RAB4A: variants seen among roughly 807,000 people sequenced by gnomAD.
RAB4A encodes ras-related protein Rab-4A.
In RAB4A, 20 loss-of-function variants were observed where a neutral mutation model predicts 34.5. That is an observed-to-expected ratio of 0.58 (90% CI 0.41 to 0.84). The LOEUF is 0.84. Among genes scored for constraint, RAB4A ranks in the 40% least tolerant of loss-of-function variants. The pLI is 0.00. For synonymous variants in RAB4A, 102 were observed against 100.0 expected, an observed-to-expected ratio of 1.02 and a Z score of -0.12; for missense variants, 228 against 274.5, an observed-to-expected ratio of 0.83 and a Z score of 1.20.
At chr1:229,299,118 C>A in intron 6 of RAB4A, 46 bp downstream of exon 6, 1 of 1,325,930 alleles carries the variant, frequency 7.5e-7, no homozygotes, top group Non-Finnish European at 1.1e-6. Flanking sequence ...ATATTTTACA[C>A]TGTAGCTCAG....
At chr1:229,273,274 A>G (rs916000468) in intron 1 of RAB4A, among the ~76,000 whole-genome samples, 2 of 152,240 alleles carry the variant, frequency 1.3e-5, no homozygotes, top group Non-Finnish European at 2.9e-5. Flanking sequence ...CACTTCAGAC[A>G]CAGTTAACTG....
chr1:229,301,860 A>G (rs1466605894), intron 6 of RAB4A, among the ~76,000 whole-genome samples: 1 of 152,112 alleles, frequency 6.6e-6, no homozygotes, highest in African/African-American at 2.4e-5. Flanking sequence ...CCGTATATAC[A>G]TATAATACAT....
At chr1:229,282,518 T>C (rs1260486806) in intron 1 of RAB4A, among the ~76,000 whole-genome samples, 1 of 152,198 alleles carries the variant, frequency 6.6e-6, no homozygotes, top group Non-Finnish European at 1.5e-5. Context: ...TTAGAGTGCT[T>C]TTTTCAACCA....
intron 1 of RAB4A, among the ~76,000 whole-genome samples, chr1:229,280,421 T>C (rs1163513706): frequency 1.3e-5 from 2 of 152,336 alleles, no homozygotes; most frequent in East Asian, 3.9e-4. Context: ...AGAAAAAGAA[T>C]TGATGGACAG....
At chr1:229,298,120 C>T (rs1657293462) in intron 5 of RAB4A, among the ~76,000 whole-genome samples, 1 of 152,024 alleles carries the variant, frequency 6.6e-6, no homozygotes, top group Non-Finnish European at 1.5e-5. Context: ...CATGAAAATG[C>T]CACATAAAAT....
intron 3 of RAB4A, 39 bp downstream of exon 3, chr1:229,288,882 T>C (rs372982162): frequency 7.4e-6 from 9 of 1,211,492 alleles, no homozygotes; most frequent in Non-Finnish European, 1.1e-5. Context: ...TTTGAAAATT[T>C]GATTTAAAAT....
intron 3 of RAB4A, chr1:229,289,070 A>G (rs1160171586): frequency 2.2e-6 from 1 of 456,974 alleles, no homozygotes; most frequent in Non-Finnish European, 3.9e-6. Context: ...GCGCAACTGC[A>G]TTATAATTCG....
At chr1:229,280,957 G>A (rs1487956160) in intron 1 of RAB4A, among the ~76,000 whole-genome samples, 1 of 152,178 alleles carries the variant, frequency 6.6e-6, no homozygotes, top group Non-Finnish European at 1.5e-5. Context: ...TGTATTGACA[G>A]TTTAATCCTT....
intron 6 of RAB4A, among the ~76,000 whole-genome samples, chr1:229,299,912 C>T (rs1040532528): frequency 6.6e-6 from 1 of 152,056 alleles, no homozygotes; most frequent in African/African-American, 2.4e-5. Context: ...GGAGGGCTTT[C>T]AGGGGAGGTC....
At chr1:229,284,567 AC>A in intron 1 of RAB4A, among the ~76,000 whole-genome samples, 1 of 152,110 alleles carries the variant, frequency 6.6e-6, no homozygotes, top group Admixed American at 6.5e-5. Context: ...TGAAGATAGT[AC>A]CCCGTTGCTT....
intron 6 of RAB4A, among the ~76,000 whole-genome samples, chr1:229,300,865 G>A (rs1468447063): frequency 1.3e-5 from 2 of 152,148 alleles, no homozygotes; most frequent in African/African-American, 4.8e-5. Context: ...CCCTGGAGTT[G>A]GAGGATGAGC....
chr1:229,277,896 A>C lies in RAB4A; in HGVS notation c.31+6526A>C, dbSNP rs147585756. On this transcript the variant is annotated intron_variant, in intron 1 of 7. Coordinates refer to ENST00000366690, the MANE Select transcript of RAB4A (RefSeq NM_004578.4). ...TTCTTTTTTTCTGAGACAGAGTCTC[A>C]CTCTGTTGCCCAGTCTGGAGTGCAG... Among the ~76,000 whole-genome samples the C allele has an allele frequency of 6.9e-3, 1,043 of 150,882 alleles. 62 individuals carry two copies. Among genetic ancestry groups the C allele is most frequent in the African/African-American group, 0.025 (1,001 of 40,488 alleles).
chr1:229,293,273 G>A (rs1455247018), intron 3 of RAB4A, among the ~76,000 whole-genome samples: 3 of 152,064 alleles, frequency 2.0e-5, no homozygotes, highest in Admixed American at 6.5e-5. Flanking sequence ...ACAAAGGCAC[G>A]ATTGATTAAA....
intron 3 of RAB4A, among the ~76,000 whole-genome samples, chr1:229,295,362 G>A (rs528818746): frequency 4.6e-5 from 7 of 152,304 alleles, no homozygotes; most frequent in Admixed American, 2.6e-4. Context: ...CAGTTTTCCC[G>A]TAGTAATAGG....
At chr1:229,291,056 C>T (rs1411624490) in intron 3 of RAB4A, among the ~76,000 whole-genome samples, 1 of 152,142 alleles carries the variant, frequency 6.6e-6, no homozygotes, top group Admixed American at 6.5e-5. Flanking sequence ...GAAAAAGCAG[C>T]CACATATAAA....
At chr1:229,289,938 C>A (rs1331479256) in intron 3 of RAB4A, among the ~76,000 whole-genome samples, 1 of 152,162 alleles carries the variant, frequency 6.6e-6, no homozygotes, top group Non-Finnish European at 1.5e-5. Flanking sequence ...ACATTTATGT[C>A]TTCCCTCTCA....
At chr1:229,277,326 A>G (rs917666518) in intron 1 of RAB4A, among the ~76,000 whole-genome samples, 3 of 151,110 alleles carry the variant, frequency 2.0e-5, no homozygotes, top group African/African-American at 7.4e-5. Context: ...CGGCTCCTAC[A>G]GGCACACTGC....
chr1:229,291,156 A>G (rs1347916902), intron 3 of RAB4A, among the ~76,000 whole-genome samples: 1 of 152,234 alleles, frequency 6.6e-6, no homozygotes, highest in Non-Finnish European at 1.5e-5. Context: ...TCAGGGTGAA[A>G]TAATTCTTCA....
intron 3 of RAB4A, among the ~76,000 whole-genome samples, chr1:229,291,511 G>A (rs566577936): frequency 1.3e-5 from 2 of 152,338 alleles, no homozygotes; most frequent in South Asian, 4.1e-4. Flanking sequence ...TCAGAGCGGG[G>A]AAGAAACAGC....
Sources: gnomAD v4.1 joint callset for allele counts (sites outside exome capture counted in the v4.1 genomes callset) on GRCh38, gnomAD v4.1.1 for gene constraint, MANE v1.5 for transcripts, NCBI Gene and HGNC (gene_info 2026-07-23, HGNC 2026-07-21) for gene names.